Variants in ADGRD1 observed in about 807,000 individuals in gnomAD.
ADGRD1 encodes the protein adhesion G protein-coupled receptor D1.
Under a neutral mutation model 113.4 loss-of-function variants are expected in ADGRD1, and 77 were observed. The observed-to-expected ratio is 0.68, with a 90% confidence interval of 0.57 to 0.82. The LOEUF (loss-of-function observed/expected upper bound fraction) is 0.82. Ranked by LOEUF, ADGRD1 falls within the 40% of genes least tolerant of loss-of-function variation. The probability of loss-of-function intolerance (pLI) is 0.00; values close to 1 mark genes in which losing one functional copy is unlikely to be tolerated. For synonymous variants in ADGRD1, 474 were observed against 475.0 expected, an observed-to-expected ratio of 1.00 and a Z score of 0.03; for missense variants, 1,036 against 1,139.1, an observed-to-expected ratio of 0.91 and a Z score of 1.30.
rs1461595267 is a variant in ADGRD1, at chr12:131,057,505, C to T, written c.1474-19296C>T. 1.3e-5 allele frequency among the ~76,000 whole-genome samples: 2 copies of T among 152,168 alleles called. No homozygotes were observed. Among genetic ancestry groups the T allele is most frequent in the Non-Finnish European group, 2.9e-5 (2 of 68,040 alleles). ...GACAAAGGCGTTGGCAGAGCTAGTT[C>T]GTTCTGGAGGCTCAGCGGGAACGTC... On this transcript the variant is annotated intron_variant, in intron 13 of 24. Transcript: ENST00000261654. The surrounding 1 kb of genome is among the most constrained non-coding windows in gnomAD (Gnocchi z 4.2).
At chr12:131,092,849 A>AAACACAG (rs1887002213) in intron 15 of ADGRD1, among the ~76,000 whole-genome samples, 1 of 152,068 alleles carries the variant, frequency 6.6e-6, no homozygotes. Flanking sequence ...CAGTATTCCA[A>AAACACAG]AACACAGACA....
At position 130,971,336 on chromosome 12, in the gene ADGRD1, A is replaced by C; in HGVS notation, c.188-122A>C. ...TAGAATAATATATGATGTTATAAAT[A>C]TATACTTAGATAAATAATAATGCAT... On this transcript the variant is annotated intron_variant, in intron 3 of 24. Coordinates refer to ENST00000261654, the MANE Select transcript of ADGRD1 (RefSeq NM_198827.5). The surrounding 1 kb of genome is among the most constrained non-coding windows in gnomAD (Gnocchi z 4.2). 2.0e-6 allele frequency: 1 copy of C among 508,698 alleles called. No individual in the cohort carries two copies. The highest frequency in any genetic ancestry group is 3.4e-6 in the Non-Finnish European group (1 of 293,784). 31.5% of individuals were successfully genotyped at this position (508,698 alleles called of 1,614,324 possible). A position where few individuals can be genotyped will look rare whatever the true frequency, so the allele number is the denominator to read the frequency against.
chr12:130,977,509 C>G (rs1054504132), intron 4 of ADGRD1: 2 of 152,314 alleles, frequency 1.3e-5, no homozygotes, highest in African/African-American at 4.8e-5. Context: ...GTATGGGACG[C>G]GCATCCTCGT....
chr12:131,121,492 T>A (rs893608579), intron 20 of ADGRD1, among the ~76,000 whole-genome samples: 16 of 152,208 alleles, frequency 1.1e-4, no homozygotes, highest in Non-Finnish European at 1.9e-4. Context: ...GCGATTCTCC[T>A]GCCTCACTCT....
chr12:131,045,893 T>A (rs1011251248), intron 13 of ADGRD1, among the ~76,000 whole-genome samples: 3 of 152,042 alleles, frequency 2.0e-5, no homozygotes, highest in African/African-American at 7.2e-5. Context: ...TCCTTCCTGG[T>A]CAGTGCTCCC....
intron 6 of ADGRD1, 79 bp downstream of exon 6, chr12:130,987,428 C>T: frequency 1.3e-6 from 2 of 1,535,396 alleles, no homozygotes; most frequent in Non-Finnish European, 1.8e-6. Context: ...TTTCTCCCCA[C>T]TCTCCCGTTG....
intron 13 of ADGRD1, among the ~76,000 whole-genome samples, chr12:131,017,958 A>G (rs1238943020): frequency 6.6e-6 from 1 of 152,182 alleles, no homozygotes; most frequent in Non-Finnish European, 1.5e-5. Flanking sequence ...CAGTGCATGT[A>G]CCTGCATCCA....
intron 5 of ADGRD1, among the ~76,000 whole-genome samples, chr12:130,983,668 CAG>C (rs1873284863): frequency 6.6e-6 from 1 of 152,220 alleles, no homozygotes; most frequent in Non-Finnish European, 1.5e-5. Flanking sequence ...CTTTCAAACT[CAG>C]GGGCAATAAT....
Position 130,980,168 on chromosome 12 carries a change from A to G in ADGRD1, c.311-1716A>G, listed in dbSNP as rs972575383. On this transcript the variant is annotated intron_variant, in intron 4 of 24. Transcript: ENST00000261654. ...CGCCCAGGCTGGAGTGCAGTGGCAC[A>G]ATCTCGGCTCACTGCAAGCTCTGCC... is the stretch of plus-strand genomic sequence containing the variant. Among the ~76,000 whole-genome samples the G allele has an allele frequency of 1.7e-4, 26 of 150,626 alleles. No homozygotes were observed. The East Asian group carries it at 3.3e-3, about 19-fold the overall frequency.
intron 15 of ADGRD1, among the ~76,000 whole-genome samples, chr12:131,100,038 G>T (rs749973929): frequency 6.6e-6 from 1 of 152,142 alleles, no homozygotes; most frequent in Non-Finnish European, 1.5e-5. Flanking sequence ...TTGAGGGTAG[G>T]ATTGGCTGAA....
In ADGRD1 at chr12:131,096,337, C is replaced by G. The variant is rs1009020140; in HGVS notation, c.1672-8494C>G. On this transcript the variant is annotated intron_variant, in intron 15 of 24. Coordinates refer to ENST00000261654, the MANE Select transcript of ADGRD1 (RefSeq NM_198827.5). The surrounding 1 kb of genome is among the most constrained non-coding windows in gnomAD (Gnocchi z 5.2). Reference sequence around the variant, plus strand: ...CCTTGGCTCACTGCAGCCTTGACCTCCTGGGCTCCAGAGATCCTCCTACCT... The same window carrying G: ...CCTTGGCTCACTGCAGCCTTGACCTGCTGGGCTCCAGAGATCCTCCTACCT... Among the ~76,000 whole-genome samples the G allele has an allele frequency of 3.9e-5, 6 of 152,202 alleles. No individual in the cohort carries two copies. The highest frequency in any genetic ancestry group is 3.9e-4 in the Admixed American group (6 of 15,276).
chr12:130,998,029 C>T (rs1419764067), intron 8 of ADGRD1, among the ~76,000 whole-genome samples: 2 of 152,162 alleles, frequency 1.3e-5, no homozygotes, highest in Non-Finnish European at 2.9e-5. Flanking sequence ...CAGCGAAACC[C>T]CGTCTCCACC....
intron 15 of ADGRD1, among the ~76,000 whole-genome samples, chr12:131,090,892 C>G (rs1267646681): frequency 6.6e-6 from 1 of 152,208 alleles, no homozygotes; most frequent in Admixed American, 6.5e-5. Flanking sequence ...AACCGTGTAC[C>G]AATTTATTGC....
At chr12:131,073,974 C>T (rs1885380152) in intron 13 of ADGRD1, among the ~76,000 whole-genome samples, 1 of 152,202 alleles carries the variant, frequency 6.6e-6, no homozygotes, top group African/African-American at 2.4e-5. Context: ...GGTTCCAACA[C>T]ATGAGCTTTT....
At chr12:130,970,494 A>G (rs4759813) in intron 3 of ADGRD1, 121,626 of 151,886 alleles carry the variant, frequency 0.8, 52,093 homozygotes, top group East Asian at 0.95. Flanking sequence ...CCATGTGACA[A>G]TATAGCTGGA....
rs10082753 is a variant in ADGRD1 at position 131,047,429 on chromosome 12, C to T, written c.1474-29372C>T. 1.9e-3 allele frequency among the ~76,000 whole-genome samples: 288 copies of T among 152,340 alleles called. 1 individual carries two copies. The highest frequency in any genetic ancestry group is 6.5e-3 in the African/African-American group (271 of 41,584). Reference sequence around the variant, plus strand: ...TGGGAGCATTCCAGGAGCAGGCAGCCCCGGGCCCCCTTTTGCACCCCTTCC... The same window carrying T: ...TGGGAGCATTCCAGGAGCAGGCAGCTCCGGGCCCCCTTTTGCACCCCTTCC... On this transcript the variant is annotated intron_variant, in intron 13 of 24. Transcript: ENST00000261654.
At chr12:130,996,399 C>T (rs1397790032) in intron 8 of ADGRD1, among the ~76,000 whole-genome samples, 1 of 107,608 alleles carries the variant, frequency 9.3e-6, no homozygotes, top group Non-Finnish European at 2.1e-5. Context: ...GCTGGCCGGG[C>T]GGGGGGCTGA....
At chr12:131,038,549 G>A (rs140565811) in intron 13 of ADGRD1, among the ~76,000 whole-genome samples, 2 of 152,368 alleles carry the variant, frequency 1.3e-5, no homozygotes, top group South Asian at 2.1e-4. Flanking sequence ...CTACAGTCGG[G>A]GGGCAGACAT....
chr12:131,104,637 A>G (rs1325879200), intron 15 of ADGRD1, among the ~76,000 whole-genome samples, 194 bp from the exon 16 acceptor site: 1 of 152,018 alleles, frequency 6.6e-6, no homozygotes, highest in Non-Finnish European at 1.5e-5. Context: ...ACATGCACGC[A>G]CAGAACCAGG....
Sources: gnomAD v4.1 joint callset for allele counts (sites outside exome capture counted in the v4.1 genomes callset) on GRCh38, gnomAD v4.1.1 for gene constraint, Gnocchi (gnomAD v3.1) non-coding constraint, MANE v1.5 for transcripts, NCBI Gene and HGNC (gene_info 2026-07-23, HGNC 2026-07-21) for gene names.